Variants in MYOM1 observed in about 807,000 individuals in gnomAD.
MYOM1 encodes myomesin 1.
MYOM1 carries 164 observed loss-of-function variants against 205.3 expected under a neutral mutation model. That is an observed-to-expected ratio of 0.80 (90% CI 0.70 to 0.91). MYOM1 has a LOEUF of 0.91. MYOM1 is among the 40% of genes least tolerant of loss of function. The pLI, the probability that MYOM1 is intolerant of heterozygous loss-of-function variation, is 0.00. For synonymous variants in MYOM1, 772 were observed against 789.4 expected, an observed-to-expected ratio of 0.98 and a Z score of 0.37; for missense variants, 2,011 against 2,127.3, an observed-to-expected ratio of 0.95 and a Z score of 1.08.
At chr18:3,122,949 T>G (rs1364244401) in intron 19 of MYOM1, among the ~76,000 whole-genome samples, 1 of 152,132 alleles carries the variant, frequency 6.6e-6, no homozygotes, top group Non-Finnish European at 1.5e-5. Flanking sequence ...AATTTCCCTT[T>G]AAGATAACTA....
intron 11 of MYOM1, 82 bp from the exon 12 acceptor site, chr18:3,151,975 T>A (rs2080229750): frequency 1.2e-5 from 16 of 1,386,754 alleles, no homozygotes; most frequent in Non-Finnish European, 1.6e-5. Flanking sequence ...AATCACCCAG[T>A]TGTTTCAGAT....
At position 3,189,265 on chromosome 18, in the gene MYOM1, C is replaced by T. The variant is rs891306239; in HGVS notation, c.432-178G>A. On this transcript the variant is annotated intron_variant, in intron 3 of 37. Coordinates refer to ENST00000356443, the MANE Select transcript of MYOM1 (RefSeq NM_003803.4). This position sits in a 1 kb window ranked among gnomAD's most constrained non-coding sequence, Gnocchi z 4.8. Reference sequence around the variant, plus strand: ...CTTCATGTACAGAAGTATTCCTCACCTTAACAAATAACAACAATAATAACA... The same window carrying T: ...CTTCATGTACAGAAGTATTCCTCACTTTAACAAATAACAACAATAATAACA... Among the ~76,000 whole-genome samples, 1 of 152,058 alleles carries T rather than the reference C, an allele frequency of 6.6e-6. No homozygotes were observed. The highest frequency in any genetic ancestry group is 1.5e-5 in the Non-Finnish European group (1 of 68,004).
chr18:3,229,085 G>A, the MYOM1 span, among the ~76,000 whole-genome samples: 2 of 152,240 alleles, frequency 1.3e-5, no homozygotes, highest in Non-Finnish European at 2.9e-5. Flanking sequence ...CTAGAAGCTG[G>A]AAGCAGGCAT....
chr18:3,148,146 G>A (rs1450496338), intron 13 of MYOM1, among the ~76,000 whole-genome samples: 5 of 152,204 alleles, frequency 3.3e-5, no homozygotes, highest in African/African-American at 1.2e-4. Context: ...GGAAGGGAAC[G>A]TGGTACAATC....
chr18:3,113,298 C>CTATATATA (rs70964105), intron 21 of MYOM1, among the ~76,000 whole-genome samples: 129 of 145,180 alleles, frequency 8.9e-4, no homozygotes, highest in African/African-American at 1.9e-3. Flanking sequence ...GTGTTTGTGT[C>CTATATATA]TATATATATA....
intron 14 of MYOM1, among the ~76,000 whole-genome samples, chr18:3,137,079 T>C (rs1457914130): frequency 6.6e-6 from 1 of 151,622 alleles, no homozygotes; most frequent in Non-Finnish European, 1.5e-5. Context: ...GCCTCCCGAG[T>C]AGCTGGGACT....
rs141388473 is a variant in MYOM1 at position 3,168,235 on chromosome 18, T to A, written c.1339+582A>T. On this transcript the variant is annotated intron_variant, in intron 9 of 37. Transcript: ENST00000356443. Reference sequence around the variant, plus strand: ...TTTTTAAAGTTACATACCATTTTTATGGTATAAATAAGTCTATGAGGATGG... The same window carrying A: ...TTTTTAAAGTTACATACCATTTTTAAGGTATAAATAAGTCTATGAGGATGG... Among the ~76,000 whole-genome samples, 979 of 152,344 alleles carry A rather than the reference T, an allele frequency of 6.4e-3. 4 individuals are homozygous for A. The highest frequency in any genetic ancestry group is 0.022 in the African/African-American group (934 of 41,564).
intron 5 of MYOM1, among the ~76,000 whole-genome samples, chr18:3,182,875 G>A (rs112526860): frequency 0.012 from 1,892 of 151,432 alleles, 38 homozygotes; most frequent in African/African-American, 0.043. Context: ...TCACGGTAGG[G>A]GTGCAGCAGC....
intron 18 of MYOM1, among the ~76,000 whole-genome samples, chr18:3,127,297 ATATATATATTTT>A (rs1359679065): frequency 0.029 from 1,420 of 49,578 alleles, 17 homozygotes; most frequent in African/African-American, 0.096. Flanking sequence ...ATATATATAT[ATATATATATTTT>A]TTTTTTTTTT....
intron 36 of MYOM1, among the ~76,000 whole-genome samples, chr18:3,073,815 G>A (rs747375738): frequency 4.6e-5 from 7 of 152,282 alleles, no homozygotes; most frequent in South Asian, 2.1e-4. Context: ...GCTCATCCAC[G>A]GTAGACCTGG....
intron 9 of MYOM1, among the ~76,000 whole-genome samples, chr18:3,166,246 CTCTT>C (rs1456264991): frequency 6.8e-6 from 1 of 147,694 alleles, no homozygotes; most frequent in African/African-American, 2.5e-5. Context: ...TCAGTCTGAT[CTCTT>C]TCTATCTCAA....
chr18:3,205,895 T>C (rs2081118383), intron 2 of MYOM1, among the ~76,000 whole-genome samples: 1 of 152,198 alleles, frequency 6.6e-6, no homozygotes, highest in African/African-American at 2.4e-5. Context: ...GTGTGCAAAA[T>C]ACTGTGTTTG....
rs952146013 is a variant in MYOM1, at chr18:3,135,721, C to T, written c.2035G>A (p.Gly679Arg). ...IMYFVEKCEAGTENWQRVNTE... is the reference protein window; with the variant it reads ...IMYFVEKCEARTENWQRVNTE... ...TTCACTCGCTGCCAGTTTTCTGTTC[C>T]TGCCTCACACTGCAGCAAGAACAGG... The change falls in exon 15 of 38, where the codon GGA (glycine) becomes AGA (arginine). Residue 679 changes from glycine (G) to arginine (R), a missense_variant. Physicochemically the swap from Gly to Arg is moderately radical, Grantham distance 125. Coordinates refer to ENST00000356443, the MANE Select transcript of MYOM1 (RefSeq NM_003803.4). The surrounding 1 kb of genome is among the most constrained non-coding windows in gnomAD (Gnocchi z 4.1). 6.2e-7 allele frequency: 1 copy of T among 1,613,836 alleles called. No homozygotes were observed. The highest frequency in any genetic ancestry group is 8.5e-7 in the Non-Finnish European group (1 of 1,179,844).
At chr18:3,245,476 A>AAATATCAG in the MYOM1 span, among the ~76,000 whole-genome samples, 2 of 152,244 alleles carry the variant, frequency 1.3e-5, no homozygotes, top group East Asian at 3.8e-4. Context: ...CAAAGGATAG[A>AAATATCAG]AATATCAGAG....
At chr18:3,109,469 G>T (rs908884972) in intron 22 of MYOM1, among the ~76,000 whole-genome samples, 2 of 152,176 alleles carry the variant, frequency 1.3e-5, no homozygotes, top group African/African-American at 4.8e-5. Flanking sequence ...AAAGTAAAGT[G>T]GTCTTTGTGG....
intron 7 of MYOM1, 50 bp downstream of exon 7, chr18:3,174,070 T>A (rs2080598865): frequency 6.3e-7 from 1 of 1,593,910 alleles, no homozygotes; most frequent in Non-Finnish European, 8.5e-7. Context: ...TGGGAAGAAA[T>A]TTTTAAAAAC....
the MYOM1 span, among the ~76,000 whole-genome samples, chr18:3,231,356 T>A: frequency 6.6e-6 from 1 of 152,024 alleles, no homozygotes; most frequent in Admixed American, 6.6e-5. Context: ...AAACTAAAGT[T>A]AGCAAAGATG....
chr18:3,091,220 C>A (rs1368325520), intron 26 of MYOM1, among the ~76,000 whole-genome samples: 2 of 151,856 alleles, frequency 1.3e-5, no homozygotes, highest in East Asian at 3.9e-4. Context: ...GGAGGCTGAG[C>A]CAGGAGAATT....
chr18:3,182,816 T>G (rs978951680), intron 5 of MYOM1, among the ~76,000 whole-genome samples: 3 of 152,086 alleles, frequency 2.0e-5, no homozygotes, highest in African/African-American at 7.2e-5. Context: ...TCACTACATA[T>G]GTATTTTCCC....
Sources: allele counts gnomAD v4.1 joint callset (sites outside exome capture counted in the v4.1 genomes callset), GRCh38; gene constraint gnomAD v4.1.1; non-coding constraint Gnocchi (gnomAD v3.1); transcripts MANE v1.5; gene names NCBI Gene and HGNC (gene_info 2026-07-23, HGNC 2026-07-21).